Variants in DCHS2 observed in about 807,000 individuals in gnomAD.
DCHS2 encodes the protein dachsous cadherin-related 2, also known as protocadherin-23.
DCHS2 carries 142 observed loss-of-function variants against 182.4 expected under a neutral mutation model. The observed-to-expected ratio is 0.78, with a 90% CI of 0.68 to 0.89. DCHS2 has a LOEUF of 0.89. DCHS2 is among the 40% of genes least tolerant of loss of function. The pLI, the probability that DCHS2 is intolerant of heterozygous loss-of-function variation, is 0.00. For missense variants in DCHS2, 4,319 were observed against 4,198.6 expected (o/e 1.03, Z -0.79); for synonymous variants, 1,740 against 1,663.3 (o/e 1.05, Z -1.12).
intron 1 of DCHS2, 118 bp downstream of exon 1, chr4:154,489,186 A>G (rs762470963): frequency 1.0e-4 from 90 of 873,868 alleles, no homozygotes; most frequent in Admixed American, 3.0e-5. Context: ...CACTACCGCC[A>G]GTCTTGTATT....
chr4:154,440,107 A>G (rs1429650657), intron 1 of DCHS2, among the ~76,000 whole-genome samples: 1 of 152,176 alleles, frequency 6.6e-6, no homozygotes, highest in Non-Finnish European at 1.5e-5. Flanking sequence ...CTACACTTGT[A>G]CTCACAGAAT....
chr4:154,299,973 T>C (rs189893527), intron 12 of DCHS2, among the ~76,000 whole-genome samples: 54 of 152,320 alleles, frequency 3.5e-4, no homozygotes, highest in African/African-American at 1.1e-3. Context: ...CATAGTCCTA[T>C]GTTAGTAAGT....
In DCHS2 at chr4:154,239,162, T is replaced by A. The variant is rs1244983503; in HGVS notation, c.7492+8A>T. The A allele has an allele frequency of 1.2e-6, 2 of 1,609,304 alleles. No individual in the cohort carries two copies. Among genetic ancestry groups the A allele is most frequent in the African/African-American group, 2.7e-5 (2 of 74,556 alleles). ...CTATGAGCATTAATGCAATTATAAA[T>A]AACTCACCATTCTTAGGATCAATGG... On this transcript the variant is annotated splice_region_variant and intron_variant, in intron 19 of 19. Coordinates refer to ENST00000357232, the MANE Select transcript of DCHS2 (RefSeq NM_001358235.2).
rs529334859 is a variant in DCHS2 at position 154,452,625 on chromosome 4, AAAAC to A, written c.2052+36675_2052+36678del. ...GGCAACAAGGCAAGACTCCATCGCA[AAAAC>A]AAACAAACAAACAAAAAAACAAAAA... On this transcript the variant is annotated intron_variant, in intron 1 of 19. Transcript: ENST00000357232. Among the ~76,000 whole-genome samples, 22 of 148,734 alleles carry A rather than the reference AAAAC, an allele frequency of 1.5e-4. 1 individual carries two copies. The South Asian group carries it at 2.2e-3, about 15-fold the overall frequency.
At chr4:154,383,919 C>G (rs1230270049) in intron 1 of DCHS2, among the ~76,000 whole-genome samples, 1 of 152,084 alleles carries the variant, frequency 6.6e-6, no homozygotes, top group Non-Finnish European at 1.5e-5. Context: ...AGATGAAATT[C>G]AAAATGAAAT....
chr4:154,421,652 C>T lies in DCHS2; in HGVS notation c.2053-44208G>A, dbSNP rs181830435. On this transcript the variant is annotated intron_variant, in intron 1 of 19. Coordinates refer to ENST00000357232, the MANE Select transcript of DCHS2 (RefSeq NM_001358235.2). ...TCAAAAAATCCACCACCTTGGCCTCCCAAAGTGCTGGGATTACAGGCGTAA... is the reference window on the plus strand; with the variant it reads ...TCAAAAAATCCACCACCTTGGCCTCTCAAAGTGCTGGGATTACAGGCGTAA... Among the ~76,000 whole-genome samples, 1,278 of 152,260 alleles carry T rather than the reference C, an allele frequency of 8.4e-3. 9 individuals are homozygous for T. The highest frequency in any genetic ancestry group is 0.014 in the Non-Finnish European group (978 of 68,022).
At chr4:154,415,003 T>C (rs960684591) in intron 1 of DCHS2, among the ~76,000 whole-genome samples, 16 of 152,170 alleles carry the variant, frequency 1.1e-4, no homozygotes, top group African/African-American at 3.6e-4. Flanking sequence ...TGAGCTCATG[T>C]GGGTATGGCA....
chr4:154,421,226 A>C (rs1005805306), intron 1 of DCHS2, among the ~76,000 whole-genome samples: 1 of 152,192 alleles, frequency 6.6e-6, no homozygotes, highest in African/African-American at 2.4e-5. Flanking sequence ...ATATAATCCT[A>C]GTTGTAGCAT....
chr4:154,272,218 C>T (rs2111210153), intron 13 of DCHS2: 1 of 152,218 alleles, frequency 6.6e-6, no homozygotes, highest in East Asian at 1.9e-4. Flanking sequence ...AAAAAAACTG[C>T]TATGAACATT....
intron 1 of DCHS2, among the ~76,000 whole-genome samples, chr4:154,411,157 T>C (rs1732614594): frequency 6.6e-6 from 1 of 152,190 alleles, no homozygotes; most frequent in Non-Finnish European, 1.5e-5. Context: ...TTGCATGATC[T>C]CACTTATATG....
intron 15 of DCHS2, among the ~76,000 whole-genome samples, chr4:154,259,006 C>A (rs1434824738): frequency 4.6e-5 from 7 of 151,916 alleles, no homozygotes; most frequent in African/African-American, 1.2e-4. Flanking sequence ...TGTCCTGAGG[C>A]AGGTGGAGAA....
intron 1 of DCHS2, among the ~76,000 whole-genome samples, chr4:154,423,610 C>T (rs7659456): frequency 0.79 from 119,624 of 152,140 alleles, 51,394 homozygotes; most frequent in Non-Finnish European, 0.95. Flanking sequence ...AAGAATCCAG[C>T]TGAGCTTCTT....
Position 154,234,628 on chromosome 4 carries a change from A to G in DCHS2, c.10024T>C (p.Leu3342=). ...TCTCCTTCTCTCAACAGTGGAGACA[A>G]GGCAGGAGGCTGCATCGTCAATAGG... ...LSLLTMQPPA[L]SPLLREGELL... Residue 3342 remains leucine, a synonymous_variant, in exon 20 of 20, where the codon TTG becomes CTG. Coordinates refer to ENST00000357232, the MANE Select transcript of DCHS2 (RefSeq NM_001358235.2). 1 of 1,614,042 alleles carries G rather than the reference A, an allele frequency of 6.2e-7. No homozygotes were observed. The highest frequency in any genetic ancestry group is 1.3e-5 in the African/African-American group (1 of 75,040).
chr4:154,414,715 A>C (rs1732764936), intron 1 of DCHS2, among the ~76,000 whole-genome samples: 1 of 152,124 alleles, frequency 6.6e-6, no homozygotes, highest in African/African-American at 2.4e-5. Flanking sequence ...AAGATGGGGG[A>C]TAGGCCTTTT....
chr4:154,238,159 T>TGGG (rs571738661), intron 19 of DCHS2, among the ~76,000 whole-genome samples: 26 of 122,050 alleles, frequency 2.1e-4, no homozygotes, highest in East Asian at 4.7e-4. Flanking sequence ...GAAAAGACGG[T>TGGG]GGGGGGGTGG....
At chr4:154,460,019 A>C (rs1734947753) in intron 1 of DCHS2, among the ~76,000 whole-genome samples, 1 of 152,148 alleles carries the variant, frequency 6.6e-6, no homozygotes, top group Admixed American at 6.5e-5. Context: ...ATTAGCATGA[A>C]TAGCTCAGCA....
intron 13 of DCHS2, among the ~76,000 whole-genome samples, chr4:154,288,469 G>A (rs1025082904): frequency 6.6e-6 from 1 of 152,054 alleles, no homozygotes; most frequent in African/African-American, 2.4e-5. Context: ...AATAATAGCT[G>A]AAGACTTCAA....
At chr4:154,393,087 G>T (rs529935367) in intron 1 of DCHS2, among the ~76,000 whole-genome samples, 76 of 152,216 alleles carry the variant, frequency 5.0e-4, no homozygotes, top group African/African-American at 1.8e-3. Context: ...TTTTTAAGTA[G>T]ATGGATAATA....
At chr4:154,469,241 A>AT (rs887858836) in intron 1 of DCHS2, among the ~76,000 whole-genome samples, 10 of 149,170 alleles carry the variant, frequency 6.7e-5, no homozygotes, top group African/African-American at 1.5e-4. Flanking sequence ...AAAAATTTCT[A>AT]TTTTTTTTTT....
Sources: allele counts gnomAD v4.1 joint callset (sites outside exome capture counted in the v4.1 genomes callset), GRCh38; gene constraint gnomAD v4.1.1; transcripts MANE v1.5; gene names NCBI Gene and HGNC (gene_info 2026-07-23, HGNC 2026-07-21).